The following UGT2A1 variants were observed in gnomAD, a reference collection of about 807,000 sequenced individuals.
UGT2A1 encodes UDP glucuronosyltransferase family 2 member A1 complex locus, also known as UDP-glucuronosyltransferase 2A1.
Under a neutral mutation model 45.4 loss-of-function variants are expected in UGT2A1, and 61 were observed. The ratio of observed to expected loss-of-function variants is 1.34; its 90% CI spans 1.09 to 1.66. The LOEUF (loss-of-function observed/expected upper bound fraction) is 1.66, where lower values mean the gene tolerates loss of function less well. Among genes scored for constraint, UGT2A1 ranks in the 40% most tolerant of loss-of-function variants. The probability of loss-of-function intolerance (pLI) is 0.00; values close to 1 mark genes in which losing one functional copy is unlikely to be tolerated. For synonymous variants in UGT2A1, 229 were observed against 196.2 expected (o/e 1.17, Z -1.40); for missense variants, 649 against 574.3 (o/e 1.13, Z -1.33).
chr4:69,638,787 A>C, intron 2 of UGT2A1: 2 of 1,304,004 alleles, frequency 1.5e-6, no homozygotes, highest in South Asian at 3.3e-5. Flanking sequence ...AGATATAAGA[A>C]GTCCATTATC....
chr4:69,599,283 C>T lies in UGT2A1; in HGVS notation c.959G>A (p.Gly320Glu). Residue 320 changes from glycine to glutamate, a missense_variant, in exon 4 of 7, where the codon GGA (glycine) becomes GAA (glutamate). Coordinates refer to ENST00000286604, the MANE Select transcript of UGT2A1 (RefSeq NM_001252275.3). ...RPYLPNFEFV[G>E]GLHCKPAKPL... ...TTTGGCAGGTTTGCAGTGCAATCCT[C>T]CAACAAACTCAAAATTAGGTAAGTA... The T allele has an allele frequency of 6.2e-6, 10 of 1,613,720 alleles. No homozygotes were observed. The highest frequency in any genetic ancestry group is 8.5e-6 in the Non-Finnish European group (10 of 1,179,868).
intron 3 of UGT2A1, among the ~76,000 whole-genome samples, chr4:69,616,120 A>C (rs1560480452): frequency 1.3e-5 from 2 of 152,028 alleles, no homozygotes; most frequent in Admixed American, 1.3e-4. Context: ...CCAGGCGCGG[A>C]AAGACAAATA....
chr4:69,638,365 G>T (rs994300212), intron 2 of UGT2A1, among the ~76,000 whole-genome samples: 2 of 152,094 alleles, frequency 1.3e-5, no homozygotes, highest in Non-Finnish European at 2.9e-5. Flanking sequence ...CATGAGGCTG[G>T]CCACAGGATA....
intron 3 of UGT2A1, among the ~76,000 whole-genome samples, chr4:69,601,466 G>A (rs1388026201): frequency 1.3e-5 from 2 of 152,134 alleles, no homozygotes; most frequent in Non-Finnish European, 2.9e-5. Flanking sequence ...TCTTTTGCAA[G>A]TGCCACCTCT....
intron 3 of UGT2A1, among the ~76,000 whole-genome samples, chr4:69,623,926 G>A (rs1720895342): frequency 6.6e-6 from 1 of 151,520 alleles, no homozygotes; most frequent in Admixed American, 6.6e-5. Flanking sequence ...TGGCCAGAAT[G>A]CCCAGGACAA....
chr4:69,623,057 C>T (rs753614074), intron 3 of UGT2A1, among the ~76,000 whole-genome samples: 6 of 151,754 alleles, frequency 4.0e-5, no homozygotes, highest in East Asian at 1.9e-4. Flanking sequence ...AAATTTTCTA[C>T]CTTCTGTTAC....
At chr4:69,624,590 G>C (rs939900553) in intron 3 of UGT2A1, among the ~76,000 whole-genome samples, 7 of 150,612 alleles carry the variant, frequency 4.6e-5, no homozygotes, top group African/African-American at 1.5e-4. Context: ...TATGATCCTA[G>C]TTGATTTTTT....
intron 6 of UGT2A1, among the ~76,000 whole-genome samples, chr4:69,593,500 GA>G (rs1018537716): frequency 2.0e-5 from 3 of 150,650 alleles, no homozygotes; most frequent in African/African-American, 7.3e-5. Context: ...ATCTTTCAGA[GA>G]AAAAAATAAG....
At chr4:69,632,660 C>A (rs1431921595) in intron 3 of UGT2A1, among the ~76,000 whole-genome samples, 1 of 151,992 alleles carries the variant, frequency 6.6e-6, no homozygotes, top group Non-Finnish European at 1.5e-5. Flanking sequence ...GAGGCAGAGG[C>A]GGGCAGATCA....
At chr4:69,600,895 C>T (rs1719247187) in intron 3 of UGT2A1, among the ~76,000 whole-genome samples, 1 of 152,044 alleles carries the variant, frequency 6.6e-6, no homozygotes, top group Non-Finnish European at 1.5e-5. Flanking sequence ...TTCATGAATA[C>T]TCTACCCCCA....
chr4:69,626,645 A>AT (rs1480620457), intron 3 of UGT2A1, among the ~76,000 whole-genome samples: 1 of 146,338 alleles, frequency 6.8e-6, no homozygotes, highest in Non-Finnish European at 1.5e-5. Context: ...AAAGCAGAAG[A>AT]TAAAAAATAA....
At chr4:69,633,486 T>C (rs965906134) in intron 3 of UGT2A1, among the ~76,000 whole-genome samples, 2 of 152,110 alleles carry the variant, frequency 1.3e-5, no homozygotes, top group Non-Finnish European at 2.9e-5. Flanking sequence ...TCACCAATAT[T>C]AGGTACAAGA....
rs902681632 is a variant in UGT2A1, at chr4:69,604,085, C to T, written c.848-4691G>A. ...CAGAGAACGCCACAAAGATACTCCTCGAGAAGAGCAACTCCAAGACACATA... is the reference window on the plus strand; with the variant it reads ...CAGAGAACGCCACAAAGATACTCCTTGAGAAGAGCAACTCCAAGACACATA... On this transcript the variant is annotated intron_variant, in intron 3 of 6. Transcript: ENST00000286604. Among the ~76,000 whole-genome samples the T allele has an allele frequency of 5.2e-5, 7 of 135,356 alleles. 2 individuals are homozygous for T. Among genetic ancestry groups the T allele is most frequent in the Non-Finnish European group, 6.3e-5 (4 of 63,966 alleles). The allele number at this position is 135,356 out of a possible 152,430, so 88.8% of individuals were successfully genotyped here. A position where few individuals can be genotyped will look rare whatever the true frequency, so the allele number is the denominator to read the frequency against.
intron 3 of UGT2A1, among the ~76,000 whole-genome samples, chr4:69,624,509 T>C (rs1720925198): frequency 6.6e-6 from 1 of 151,602 alleles, no homozygotes; most frequent in East Asian, 1.9e-4. Flanking sequence ...TGCTACTTTT[T>C]TTAAGTTACC....
chr4:69,622,440 G>A (rs1042233510), intron 3 of UGT2A1, among the ~76,000 whole-genome samples: 1 of 151,536 alleles, frequency 6.6e-6, no homozygotes, highest in Admixed American at 6.6e-5. Flanking sequence ...TACATAGAAA[G>A]TAAAAGAGAA....
chr4:69,647,161 T>A lies in UGT2A1; in HGVS notation c.484A>T (p.Lys162Ter), dbSNP rs1722306422. The A allele has an allele frequency of 6.2e-7, 1 of 1,613,054 alleles. No homozygotes were observed. The highest frequency in any genetic ancestry group is 8.5e-7 in the Non-Finnish European group (1 of 1,179,406). The change falls in exon 2 of 7, where the codon AAA (lysine) becomes TAA (stop). Residue 162 changes from lysine (K) to a stop codon, truncating the protein, a stop_gained. Transcript: ENST00000286604. LOFTEE classifies it high-confidence loss of function. ...VFPCGDIVAL[K>*]LGIPFMYSLR... ...GAGTACATAAATGGAATTCCAAGTTTTAAAGCTACTATATCGCCACAAGGA... is the reference window on the plus strand; with the variant it reads ...GAGTACATAAATGGAATTCCAAGTTATAAAGCTACTATATCGCCACAAGGA...
At chr4:69,622,344 T>C (rs909233519) in intron 3 of UGT2A1, among the ~76,000 whole-genome samples, 2 of 151,764 alleles carry the variant, frequency 1.3e-5, no homozygotes, top group Non-Finnish European at 2.9e-5. Flanking sequence ...AACATATTTA[T>C]AGCTAATATG....
rs116757125 is a variant in UGT2A1, at chr4:69,595,634, G to A, written c.997-385C>T. Among the ~76,000 whole-genome samples, 1,275 of 152,112 alleles carry A rather than the reference G, an allele frequency of 8.4e-3. 21 individuals are homozygous for A. Among genetic ancestry groups the A allele is most frequent in the African/African-American group, 0.029 (1,203 of 41,490 alleles). ...GTCCTAGGATGTGTCATGAATAGAAGTATAAAAAGAATAGAAATGCAAAAT... is the reference window on the plus strand; with the variant it reads ...GTCCTAGGATGTGTCATGAATAGAAATATAAAAAGAATAGAAATGCAAAAT... On this transcript the variant is annotated intron_variant, in intron 4 of 6. Transcript: ENST00000286604.
At position 69,647,093 on chromosome 4, in the gene UGT2A1, C is replaced by T. The variant is rs751771281; in HGVS notation, c.552G>A (p.Gly184=). ...CATAGGAAGGAGGGTATGGTACCTTCCCACAGTGCTTTTCCACTGTTGAGG... is the reference window on the plus strand; with the variant it reads ...CATAGGAAGGAGGGTATGGTACCTTTCCACAGTGCTTTTCCACTGTTGAGG... ...SPASTVEKHC[G]KVPYPPSYVP... The change falls in exon 2 of 7, where the codon GGG becomes GGA. Residue 184 remains glycine (G), a synonymous_variant. Transcript: ENST00000286604. 2 of 1,612,740 alleles carry T rather than the reference C, an allele frequency of 1.2e-6. No homozygotes were observed. The highest frequency in any genetic ancestry group is 1.1e-5 in the South Asian group (1 of 90,980).
Sources: allele counts gnomAD v4.1 joint callset (sites outside exome capture counted in the v4.1 genomes callset), GRCh38; gene constraint gnomAD v4.1.1; transcripts MANE v1.5; gene names NCBI Gene and HGNC (gene_info 2026-07-23, HGNC 2026-07-21).